Variants in CDH8 observed in about 807,000 individuals in gnomAD.
CDH8 encodes the protein cadherin 8, also known as cadherin-8.
In CDH8, 17 loss-of-function variants were observed where a neutral mutation model predicts 68.1. The ratio of observed to expected loss-of-function variants is 0.25; its 90% CI spans 0.17 to 0.37. The LOEUF (loss-of-function observed/expected upper bound fraction) is 0.37. CDH8 is among the 10% of genes least tolerant of loss of function. The pLI is 1.00. For synonymous variants in CDH8, 372 were observed against 365.1 expected, an observed-to-expected ratio of 1.02 and a Z score of -0.21; for missense variants, 763 against 999.3, an observed-to-expected ratio of 0.76 and a Z score of 3.19.
intron 10 of CDH8, among the ~76,000 whole-genome samples, chr16:61,679,064 T>A (rs1963966495): frequency 6.6e-6 from 1 of 152,076 alleles, no homozygotes; most frequent in Admixed American, 6.6e-5. Flanking sequence ...ATTGTGTGGT[T>A]ATCTTATTTG....
At chr16:61,980,606 G>T (rs749097940) in intron 2 of CDH8, among the ~76,000 whole-genome samples, 21 of 152,010 alleles carry the variant, frequency 1.4e-4, no homozygotes, top group Non-Finnish European at 2.6e-4. Flanking sequence ...ATACTATAAA[G>T]ATTTGTTGGA....
At chr16:61,779,603 A>G (rs938708509) in intron 8 of CDH8, among the ~76,000 whole-genome samples, 1 of 152,066 alleles carries the variant, frequency 6.6e-6, no homozygotes, top group Non-Finnish European at 1.5e-5. Flanking sequence ...TTTCTAGGCA[A>G]TTCTAATCAA....
chr16:61,868,528 G>A (rs565691138), intron 3 of CDH8, among the ~76,000 whole-genome samples: 1 of 152,234 alleles, frequency 6.6e-6, no homozygotes, highest in Admixed American at 6.5e-5. Context: ...GTTGAACCCA[G>A]TCCCAACATA....
chr16:61,870,335 C>T (rs375751015), intron 3 of CDH8, among the ~76,000 whole-genome samples: 5 of 152,148 alleles, frequency 3.3e-5, no homozygotes, highest in East Asian at 1.9e-4. Flanking sequence ...AAGAAAAATG[C>T]GGCAGTAAGT....
At chr16:61,713,229 A>C (rs1023716077) in intron 10 of CDH8, among the ~76,000 whole-genome samples, 12 of 151,800 alleles carry the variant, frequency 7.9e-5, no homozygotes, top group African/African-American at 2.9e-4. Context: ...TAAAGAAAAC[A>C]GTAATCCAAG....
intron 3 of CDH8, among the ~76,000 whole-genome samples, chr16:61,865,062 G>T (rs1284656357): frequency 1.3e-5 from 2 of 152,078 alleles, no homozygotes; most frequent in Non-Finnish European, 2.9e-5. Context: ...TGCTCACTGG[G>T]TGTTCTCCTT....
chr16:61,872,955 A>T (rs1963396688), intron 3 of CDH8, among the ~76,000 whole-genome samples: 1 of 152,236 alleles, frequency 6.6e-6, no homozygotes, highest in South Asian at 2.1e-4. Context: ...CTGCATTCTA[A>T]AGAGCAGTCA....
At chr16:61,793,588 C>G (rs1330135432) in intron 7 of CDH8, among the ~76,000 whole-genome samples, 1 of 151,984 alleles carries the variant, frequency 6.6e-6, no homozygotes, top group Non-Finnish European at 1.5e-5. Context: ...TGATCTCATT[C>G]TTTTTTATGG....
At chr16:61,900,068 T>A (rs1013337738) in intron 3 of CDH8, among the ~76,000 whole-genome samples, 1 of 152,250 alleles carries the variant, frequency 6.6e-6, no homozygotes, top group African/African-American at 2.4e-5. Context: ...TATCTTTATT[T>A]ATTTGCAATT....
intron 4 of CDH8, among the ~76,000 whole-genome samples, chr16:61,854,065 T>A (rs1343927595): frequency 6.6e-6 from 1 of 151,958 alleles, no homozygotes; most frequent in Non-Finnish European, 1.5e-5. Flanking sequence ...TGTATACATA[T>A]ATGTGTGAAT....
At chr16:61,857,345 A>C in intron 3 of CDH8, 107 bp from the exon 4 acceptor site, 2 of 965,380 alleles carry the variant, frequency 2.1e-6, no homozygotes, top group Non-Finnish European at 3.0e-6. Context: ...AGGGAATAAA[A>C]GGAAAAGAAA....
chr16:62,027,820 C>T (rs1902230131), intron 1 of CDH8, among the ~76,000 whole-genome samples: 1 of 152,130 alleles, frequency 6.6e-6, no homozygotes, highest in Non-Finnish European at 1.5e-5. Context: ...ATCACCTTTC[C>T]TAAAGCCTTC....
At chr16:61,705,330 T>C (rs1041486254) in intron 10 of CDH8, among the ~76,000 whole-genome samples, 1 of 152,134 alleles carries the variant, frequency 6.6e-6, no homozygotes, top group African/African-American at 2.4e-5. Flanking sequence ...GAAACAACCA[T>C]GCATAGGAGC....
intron 2 of CDH8, among the ~76,000 whole-genome samples, chr16:61,906,682 C>T (rs1964068445): frequency 1.3e-5 from 2 of 152,054 alleles, no homozygotes; most frequent in Admixed American, 1.3e-4. Flanking sequence ...GTTGGAAGCC[C>T]AGTAAATATT....
chr16:61,829,915 G>A (rs1226672895), intron 4 of CDH8, among the ~76,000 whole-genome samples: 2 of 151,738 alleles, frequency 1.3e-5, no homozygotes, highest in Non-Finnish European at 2.9e-5. Flanking sequence ...GCAGGATAGG[G>A]GAAACCACAA....
At chr16:61,955,230 C>G (rs1289156122) in intron 2 of CDH8, among the ~76,000 whole-genome samples, 1 of 152,158 alleles carries the variant, frequency 6.6e-6, no homozygotes, top group Non-Finnish European at 1.5e-5. Context: ...CTTAAGTCAA[C>G]CTAAAGATTT....
chr16:61,890,658 A>C (rs1260982513), intron 3 of CDH8, among the ~76,000 whole-genome samples: 1 of 152,132 alleles, frequency 6.6e-6, no homozygotes, highest in Non-Finnish European at 1.5e-5. Context: ...TAATTCCTTC[A>C]AATATACTTT....
intron 4 of CDH8, among the ~76,000 whole-genome samples, chr16:61,831,899 C>T (rs539316488): frequency 4.0e-5 from 6 of 151,772 alleles, no homozygotes; most frequent in Non-Finnish European, 5.9e-5. Flanking sequence ...GCTTTGTTAT[C>T]CCCAAAAACC....
At chr16:61,825,749 A>G (rs1426946905) in intron 4 of CDH8, among the ~76,000 whole-genome samples, 1 of 151,974 alleles carries the variant, frequency 6.6e-6, no homozygotes, top group Non-Finnish European at 1.5e-5. Flanking sequence ...AGCTATATTT[A>G]TATTTTAATT....
Sources: gnomAD v4.1 joint callset for allele counts (sites outside exome capture counted in the v4.1 genomes callset) on GRCh38, gnomAD v4.1.1 for gene constraint, MANE v1.5 for transcripts, NCBI Gene and HGNC (gene_info 2026-07-23, HGNC 2026-07-21) for gene names.